The following SNX24 variants were observed in gnomAD, a reference collection of about 807,000 sequenced individuals.
The protein encoded by SNX24 is sorting nexin 24.
Under a neutral mutation model 28.7 loss-of-function variants are expected in SNX24, and 22 were observed. That is an observed-to-expected ratio of 0.77 (90% CI 0.55 to 1.10). The LOEUF (loss-of-function observed/expected upper bound fraction) is 1.10. SNX24 is among the 50% of genes least tolerant of loss of function. The probability of loss-of-function intolerance (pLI) is 0.00; values close to 1 mark genes in which losing one functional copy is unlikely to be tolerated. For missense variants in SNX24, 221 were observed against 201.1 expected (o/e 1.10, Z -0.60); for synonymous variants, 69 against 71.5 (o/e 0.96, Z 0.18).
In SNX24 at chr5:123,007,658, TC is replaced by T. The variant is rs1316858551; in HGVS notation, c.443-23del. On this transcript the variant is annotated intron_variant, in intron 6 of 6. Transcript: ENST00000261369. ...AGAAAAGCAGTTTTTCTTTTTTTTT[TC>T]TTTTTTTTTTTCTTTTTTTCAGATT... is the stretch of plus-strand genomic sequence containing the variant. 9 of 1,538,236 alleles carry T rather than the reference TC, an allele frequency of 5.9e-6. No individual in the cohort carries two copies. The Admixed American group carries it at 6.2e-5, about 11-fold the overall frequency.
chr5:123,014,809 A>C (rs559879946), intron 5 of SNX24, among the ~76,000 whole-genome samples: 37 of 152,274 alleles, frequency 2.4e-4, no homozygotes, highest in Non-Finnish European at 4.6e-4. Flanking sequence ...GCAGGTGCTT[A>C]CTGGCAACAG....
At chr5:122,864,318 T>G (rs567958998) in intron 1 of SNX24, among the ~76,000 whole-genome samples, 5 of 152,200 alleles carry the variant, frequency 3.3e-5, no homozygotes, top group Admixed American at 3.3e-4. Flanking sequence ...ATTTGGGGCA[T>G]GAGAAAAAGT....
Position 122,845,652 on chromosome 5 carries a change from T to C in SNX24, c.19T>C (p.Ser7Pro). Reference protein sequence around the residue: MEVYIPSFRYEESDLER... With the variant: MEVYIPPFRYEESDLER... ...CGCGGCCATGGAGGTCTACATCCCG[T>C]CCTTTCGCTATGAAGAGAGCGACCT... Residue 7 changes from serine (S) to proline (P), a missense_variant, in exon 1 of 7, where the codon TCC becomes CCC. Transcript: ENST00000261369. The C allele has an allele frequency of 2.8e-6, 4 of 1,432,542 alleles. No homozygotes were observed. Among genetic ancestry groups the C allele is most frequent in the Non-Finnish European group, 3.7e-6 (4 of 1,083,802 alleles). 88.7% of individuals were successfully genotyped at this position (1,432,542 alleles called of 1,614,324 possible). A position where few individuals can be genotyped will look rare whatever the true frequency, so the allele number is the denominator to read the frequency against.
chr5:122,934,041 C>A (rs920685199), intron 1 of SNX24, among the ~76,000 whole-genome samples: 5 of 152,062 alleles, frequency 3.3e-5, no homozygotes, highest in Admixed American at 3.3e-4. Context: ...TCTCAGCCCC[C>A]ATAAAGGCTG....
intron 6 of SNX24, among the ~76,000 whole-genome samples, chr5:123,002,974 G>C (rs1762298020): frequency 6.6e-6 from 1 of 152,222 alleles, no homozygotes; most frequent in South Asian, 2.1e-4. Context: ...CTCTCAGATG[G>C]TTGATGGGTG....
At chr5:122,850,540 T>C (rs958743816) in intron 1 of SNX24, among the ~76,000 whole-genome samples, 1 of 152,118 alleles carries the variant, frequency 6.6e-6, no homozygotes, top group Non-Finnish European at 1.5e-5. Context: ...ACTAAGACTT[T>C]AGCGTTGAAC....
intron 6 of SNX24, among the ~76,000 whole-genome samples, chr5:123,005,720 C>G (rs142934338): frequency 2.7e-3 from 404 of 152,260 alleles, no homozygotes; most frequent in African/African-American, 9.0e-3. Context: ...AAATTAACAG[C>G]TCTATTTATG....
chr5:123,023,887 G>T, intron 5 of SNX24: 2 of 1,612,052 alleles, frequency 1.2e-6, no homozygotes, highest in Non-Finnish European at 1.7e-6. Flanking sequence ...ACCAATCAGC[G>T]ATCTCAACCA....
At chr5:123,002,437 C>G (rs1030641826) in intron 6 of SNX24, among the ~76,000 whole-genome samples, 4 of 152,092 alleles carry the variant, frequency 2.6e-5, no homozygotes, top group African/African-American at 9.7e-5. Flanking sequence ...TGGAAACCAT[C>G]CTGGCTAACA....
intron 1 of SNX24, among the ~76,000 whole-genome samples, chr5:122,887,816 C>T (rs1756783459): frequency 6.6e-6 from 1 of 152,182 alleles, no homozygotes; most frequent in South Asian, 2.1e-4. Context: ...GATTCTCCTG[C>T]TTCAGCCTCT....
intron 1 of SNX24, among the ~76,000 whole-genome samples, chr5:122,861,377 C>T (rs1289344328): frequency 2.6e-5 from 4 of 152,090 alleles, no homozygotes; most frequent in Non-Finnish European, 4.4e-5. Flanking sequence ...CCCAGCCCTG[C>T]GAAGTATTAC....
At chr5:123,021,159 C>G (rs1762756621) in intron 5 of SNX24, among the ~76,000 whole-genome samples, 1 of 151,746 alleles carries the variant, frequency 6.6e-6, no homozygotes, top group African/African-American at 2.4e-5. Flanking sequence ...CCCCGCTGAC[C>G]ACCCCTTCAC....
chr5:122,865,629 G>A (rs536335066), intron 1 of SNX24, among the ~76,000 whole-genome samples: 10 of 152,308 alleles, frequency 6.6e-5, no homozygotes, highest in East Asian at 3.9e-4. Flanking sequence ...ATGAGCCACC[G>A]TGCCCAGCCA....
chr5:122,849,975 G>T (rs990684307), intron 1 of SNX24, among the ~76,000 whole-genome samples: 3 of 152,162 alleles, frequency 2.0e-5, no homozygotes, highest in South Asian at 4.1e-4. Context: ...AGGATTGTGC[G>T]AAGTGATTGC....
chr5:122,871,179 GT>G (rs1438535175), intron 1 of SNX24, among the ~76,000 whole-genome samples: 1 of 152,140 alleles, frequency 6.6e-6, no homozygotes, highest in East Asian at 1.9e-4. Context: ...TAGTTCAGTA[GT>G]TCTCAGGGAA....
At chr5:122,849,223 C>T (rs911926398) in intron 1 of SNX24, among the ~76,000 whole-genome samples, 1 of 152,116 alleles carries the variant, frequency 6.6e-6, no homozygotes, top group African/African-American at 2.4e-5. Context: ...AGTAATTTAC[C>T]TTTAAAGAAT....
intron 1 of SNX24, among the ~76,000 whole-genome samples, chr5:122,855,190 G>A (rs1162231477): frequency 1.3e-5 from 2 of 151,932 alleles, no homozygotes; most frequent in African/African-American, 4.8e-5. Context: ...TCCTGCCTCA[G>A]CCTGCCAAGT....
At chr5:122,944,082 A>G (rs987356733) in intron 2 of SNX24, among the ~76,000 whole-genome samples, 1 of 152,310 alleles carries the variant, frequency 6.6e-6, no homozygotes, top group Non-Finnish European at 1.5e-5. Context: ...ATTTCTTAAG[A>G]TATTTTTTAT....
At position 123,001,999 on chromosome 5, in the gene SNX24, C is replaced by T. The variant is rs1762264266; in HGVS notation, c.437C>T (p.Ala146Val). The change falls in exon 6 of 7, where the codon GCC becomes GTC. Residue 146 changes from alanine (A) to valine (V), a missense_variant. By Grantham distance (64) the Ala-to-Val change is moderately conservative (BLOSUM62 0). Coordinates refer to ENST00000261369, the MANE Select transcript of SNX24 (RefSeq NM_014035.4). ...AGGGATCCATATGTCTTGCCTGCAG[C>T]CAGCGGTAATCAAACCTGTCATCTG... ...FLRDPYVLPAASDFPNVVIEG... is the reference protein window; with the variant it reads ...FLRDPYVLPAVSDFPNVVIEG... 1 of 1,613,364 alleles carries T rather than the reference C, an allele frequency of 6.2e-7. No homozygotes were observed. Among genetic ancestry groups the T allele is most frequent in the Non-Finnish European group, 8.5e-7 (1 of 1,179,346 alleles).
Sources: gnomAD v4.1 joint callset for allele counts (sites outside exome capture counted in the v4.1 genomes callset) on GRCh38, gnomAD v4.1.1 for gene constraint, MANE v1.5 for transcripts, NCBI Gene and HGNC (gene_info 2026-07-23, HGNC 2026-07-21) for gene names.